RPS6KA2: variants seen among roughly 807,000 people sequenced by gnomAD.
RPS6KA2 encodes ribosomal protein S6 kinase A2.
A neutral mutation model predicts 91.8 loss-of-function variants in RPS6KA2; 42 were observed. That is an observed-to-expected ratio of 0.46 (90% CI 0.36 to 0.59). The LOEUF (loss-of-function observed/expected upper bound fraction) is 0.59, where lower values mean the gene tolerates loss of function less well. Ranked by LOEUF, RPS6KA2 falls within the 20% of genes least tolerant of loss-of-function variation. The probability of loss-of-function intolerance (pLI) is 0.00; values close to 1 mark genes in which losing one functional copy is unlikely to be tolerated. For synonymous variants in RPS6KA2, 414 were observed against 393.6 expected (o/e 1.05, Z -0.61); for missense variants, 798 against 978.5 (o/e 0.82, Z 2.46).
At chr6:166,558,534 C>T (rs1379450408) in intron 1 of RPS6KA2, among the ~76,000 whole-genome samples, 1 of 152,164 alleles carries the variant, frequency 6.6e-6, no homozygotes, top group Non-Finnish European at 1.5e-5. Context: ...TAATCTGCAT[C>T]CCAAGCAGTG....
chr6:166,608,257 A>G (rs1786024595), intron 1 of RPS6KA2, among the ~76,000 whole-genome samples: 1 of 152,220 alleles, frequency 6.6e-6, no homozygotes, highest in African/African-American at 2.4e-5. Context: ...ACAATATGGT[A>G]TATTTTGAAA....
rs1214861348 is a variant in RPS6KA2 at position 166,770,733 on chromosome 6, C to T, written c.123+87467G>A. ...TCCAGCCTTCTAAAAGCTCTTCGCA[C>T]CTTGCCTTGCTGGACTCCGGGCACC... On this transcript the variant is annotated intron_variant, in intron 2 of 21. Coordinates refer to the RPS6KA2 transcript ENST00000503859. The surrounding 1 kb of genome is among the most constrained non-coding windows in gnomAD (Gnocchi z 5.1). 5.8e-6 allele frequency: 5 copies of T among 861,972 alleles called. No individual in the cohort carries two copies. The highest frequency in any genetic ancestry group is 9.0e-6 in the Non-Finnish European group (5 of 558,532). 53.4% of individuals were successfully genotyped at this position (861,972 alleles called of 1,614,324 possible). A position where few individuals can be genotyped will look rare whatever the true frequency, so the allele number is the denominator to read the frequency against.
intron 2 of RPS6KA2, among the ~76,000 whole-genome samples, chr6:166,789,235 C>T (rs1779014024): frequency 6.6e-6 from 1 of 152,218 alleles, no homozygotes. Flanking sequence ...TCGGAGGGTC[C>T]TACGCCCACG....
chr6:166,466,153 C>T (rs1780512264), intron 11 of RPS6KA2, among the ~76,000 whole-genome samples: 1 of 152,190 alleles, frequency 6.6e-6, no homozygotes, highest in South Asian at 2.1e-4. Flanking sequence ...TAGTCTGATT[C>T]CTTTGAAATC....
chr6:166,529,115 T>C (rs1322284823), intron 3 of RPS6KA2, among the ~76,000 whole-genome samples: 2 of 152,330 alleles, frequency 1.3e-5, no homozygotes, highest in Non-Finnish European at 2.9e-5. Context: ...TAAAGACACA[T>C]GCACATGCAT....
intron 11 of RPS6KA2, among the ~76,000 whole-genome samples, chr6:166,461,639 C>G (rs1027996102): frequency 6.6e-6 from 1 of 151,962 alleles, no homozygotes; most frequent in Non-Finnish European, 1.5e-5. Flanking sequence ...TAGCTCGATC[C>G]AGCACAGAGC....
chr6:166,679,429 A>C (rs1012179763), intron 2 of RPS6KA2, among the ~76,000 whole-genome samples: 109 of 152,152 alleles, frequency 7.2e-4, no homozygotes, highest in East Asian at 5.8e-4. Flanking sequence ...ACACCACTGC[A>C]CTCCAGCCTG....
chr6:166,762,608 G>A (rs1301972473), intron 2 of RPS6KA2, among the ~76,000 whole-genome samples: 1 of 152,140 alleles, frequency 6.6e-6, no homozygotes, highest in Admixed American at 6.5e-5. Context: ...ACAACCTGCT[G>A]TGCACCACGG....
chr6:166,692,579 T>C (rs780754623), intron 2 of RPS6KA2, among the ~76,000 whole-genome samples: 15 of 151,846 alleles, frequency 9.9e-5, no homozygotes, highest in South Asian at 2.1e-4. Context: ...CATGAGAAAA[T>C]TGGATGCTAA....
intron 2 of RPS6KA2, among the ~76,000 whole-genome samples, chr6:166,856,767 T>C (rs1299191653): frequency 6.6e-6 from 1 of 152,218 alleles, no homozygotes; most frequent in Admixed American, 6.5e-5. Context: ...GGAAGGTACA[T>C]CTTCCTTTCC....
chr6:166,680,133 G>A (rs951258873), intron 2 of RPS6KA2, among the ~76,000 whole-genome samples: 1 of 152,010 alleles, frequency 6.6e-6, no homozygotes, highest in African/African-American at 2.4e-5. Flanking sequence ...CACTTGTTTA[G>A]CTAAAGGTAT....
chr6:166,817,496 C>T (rs1779798718), intron 2 of RPS6KA2, among the ~76,000 whole-genome samples: 1 of 152,146 alleles, frequency 6.6e-6, no homozygotes, highest in African/African-American at 2.4e-5. Context: ...CTGCTAGATA[C>T]TATGACTCCT....
intron 2 of RPS6KA2, among the ~76,000 whole-genome samples, chr6:166,675,372 A>T (rs977301028): frequency 2.0e-5 from 3 of 152,006 alleles, no homozygotes; most frequent in African/African-American, 7.3e-5. Flanking sequence ...CCAACCTGCC[A>T]TCTCTCAGCC....
At position 166,705,457 on chromosome 6, in the gene RPS6KA2, C is replaced by T. The variant is rs1317087994; in HGVS notation, c.123+152743G>A. On this transcript the variant is annotated intron_variant, in intron 2 of 21. Coordinates refer to the RPS6KA2 transcript ENST00000503859. ...ACCCTTAGGGAACTAGAAGAAAAGT[C>T]GCTCAACTTGGTAAAGGCTACATTA... Among the ~76,000 whole-genome samples the T allele has an allele frequency of 7.9e-5, 12 of 152,154 alleles. No homozygotes were observed. The East Asian group carries it at 1.7e-3, about 22-fold the overall frequency.
At position 166,456,194 on chromosome 6, in the gene RPS6KA2, C is replaced by T. The variant is rs191192266; in HGVS notation, c.1075+3255G>A. Among the ~76,000 whole-genome samples, 5 of 152,262 alleles carry T rather than the reference C, an allele frequency of 3.3e-5. 1 individual carries two copies. The highest frequency in any genetic ancestry group is 3.9e-4 in the East Asian group (2 of 5,176). Reference sequence around the variant, plus strand: ...CCTCACACAGACCAAGGAGAGCCTGCGGAAAGGGTAAAAGTAACAGCAATT... The same window carrying T: ...CCTCACACAGACCAAGGAGAGCCTGTGGAAAGGGTAAAAGTAACAGCAATT... On this transcript the variant is annotated intron_variant, in intron 12 of 20. Coordinates refer to ENST00000265678, the MANE Select transcript of RPS6KA2 (RefSeq NM_021135.6).
chr6:166,831,564 C>T (rs1433806185), intron 2 of RPS6KA2, among the ~76,000 whole-genome samples: 1 of 151,886 alleles, frequency 6.6e-6, no homozygotes. Context: ...GAAGGCTTGG[C>T]CCCCACTGAG....
intron 2 of RPS6KA2, among the ~76,000 whole-genome samples, chr6:166,787,637 C>T (rs990539992): frequency 2.6e-5 from 4 of 152,090 alleles, no homozygotes; most frequent in African/African-American, 9.7e-5. Flanking sequence ...AAAACTGAAA[C>T]TGGACCCCTT....
intron 1 of RPS6KA2, among the ~76,000 whole-genome samples, chr6:166,579,179 C>G (rs1165716120): frequency 5.3e-5 from 8 of 152,188 alleles, no homozygotes; most frequent in Non-Finnish European, 1.2e-4. Context: ...TCCGTTTATG[C>G]TGTTTAGAAA....
Position 166,418,279 on chromosome 6 carries a change from A to G in RPS6KA2, c.1884T>C (p.Ser628=). The change falls in exon 19 of 21, where the codon AGT becomes AGC. Residue 628 remains serine, a synonymous_variant. Transcript: ENST00000265678. The surrounding 1 kb of genome is among the most constrained non-coding windows in gnomAD (Gnocchi z 4.9). ...TTCCCCCAGAAAGGGCATACTTCCC[A>G]CTGCCGATCCGCGCCAGAATCTCCT... The part of the protein sequence containing the change: ...TPEEILARIG[S]GKYALSGGNW... 1 of 1,614,124 alleles carries G rather than the reference A, an allele frequency of 6.2e-7. No homozygotes were observed. Among genetic ancestry groups the G allele is most frequent in the Non-Finnish European group, 8.5e-7 (1 of 1,180,010 alleles).
Sources: allele counts gnomAD v4.1 joint callset (sites outside exome capture counted in the v4.1 genomes callset), GRCh38; gene constraint gnomAD v4.1.1; non-coding constraint Gnocchi (gnomAD v3.1); transcripts MANE v1.5; gene names NCBI Gene and HGNC (gene_info 2026-07-23, HGNC 2026-07-21).